Variants in PRDM2 observed in about 807,000 individuals in gnomAD.
The protein encoded by PRDM2 is PR domain zinc finger protein 2.
A neutral mutation model predicts 130.0 loss-of-function variants in PRDM2; 30 were observed. That is an observed-to-expected ratio of 0.23 (90% CI 0.17 to 0.31). The LOEUF (loss-of-function observed/expected upper bound fraction) is 0.31, where lower values mean the gene tolerates loss of function less well. Among genes scored for constraint, PRDM2 ranks in the 10% least tolerant of loss-of-function variants. The pLI, the probability that PRDM2 is intolerant of heterozygous loss-of-function variation, is 1.00. For synonymous variants in PRDM2, 871 were observed against 782.4 expected (o/e 1.11, Z -1.89); for missense variants, 2,011 against 2,108.4 (o/e 0.95, Z 0.90).
At chr1:13,731,743 CAAA>C (rs1273383339) in intron 3 of PRDM2, among the ~76,000 whole-genome samples, 1 of 152,100 alleles carries the variant, frequency 6.6e-6, no homozygotes, top group African/African-American at 2.4e-5. Flanking sequence ...AAACTTTAGT[CAAA>C]ATACAGTCTT....
chr1:13,729,044 T>C (rs1341563806), intron 2 of PRDM2, among the ~76,000 whole-genome samples: 2 of 152,196 alleles, frequency 1.3e-5, no homozygotes, highest in African/African-American at 2.4e-5. Context: ...CAGACAGATA[T>C]TCAGATCCAG....
chr1:13,743,316 C>T (rs1425821660), intron 5 of PRDM2, among the ~76,000 whole-genome samples: 3 of 139,456 alleles, frequency 2.2e-5, no homozygotes, highest in African/African-American at 8.0e-5. Context: ...AGGAGAAGGG[C>T]GTGAACCTGG....
chr1:13,756,324 G>A (rs778589230), intron 6 of PRDM2, among the ~76,000 whole-genome samples: 1 of 152,000 alleles, frequency 6.6e-6, no homozygotes, highest in African/African-American at 2.4e-5. Context: ...CATTGTGGAG[G>A]TTAAAAATAG....
chr1:13,745,917 G>A (rs1291587134), intron 5 of PRDM2, among the ~76,000 whole-genome samples: 2 of 152,128 alleles, frequency 1.3e-5, no homozygotes, highest in Non-Finnish European at 2.9e-5. Context: ...GCTGGGGACT[G>A]GATCGTAGGT....
chr1:13,764,834 A>G (rs1376749568), intron 6 of PRDM2, among the ~76,000 whole-genome samples: 1 of 152,224 alleles, frequency 6.6e-6, no homozygotes, highest in Admixed American at 6.5e-5. Context: ...AAAACCAGAG[A>G]GGTTTTATTT....
chr1:13,744,120 C>G (rs914205062), intron 5 of PRDM2, among the ~76,000 whole-genome samples: 1 of 152,208 alleles, frequency 6.6e-6, no homozygotes, highest in African/African-American at 2.4e-5. Context: ...TATTAGGACA[C>G]TGCAATTCCT....
In PRDM2 at chr1:13,700,885, CGT is replaced by C. The variant is rs560287443; in HGVS notation, c.-66+596_-66+597del. On this transcript the variant is annotated intron_variant, in intron 1 of 9. Transcript: ENST00000311066. ...GTATGTGTGTGTGTGCGCACGCGCG[CGT>C]GTGTGTGTGTTACAGACGTGCAACT... Among the ~76,000 whole-genome samples, 92 of 152,124 alleles carry C rather than the reference CGT, an allele frequency of 6.0e-4. 1 individual carries two copies. The highest frequency in any genetic ancestry group is 1.7e-3 in the African/African-American group (69 of 41,510).
intron 1 of PRDM2, among the ~76,000 whole-genome samples, chr1:13,708,198 C>G (rs980635189): frequency 6.6e-6 from 1 of 150,742 alleles, no homozygotes; most frequent in Non-Finnish European, 1.5e-5. Context: ...TTTTTTCTTC[C>G]CAAGTAAAGG....
intron 1 of PRDM2, among the ~76,000 whole-genome samples, chr1:13,714,948 A>G (rs1352448962): frequency 6.6e-6 from 1 of 152,178 alleles, no homozygotes; most frequent in Non-Finnish European, 1.5e-5. Flanking sequence ...TTGTCTTTTT[A>G]TTTTACTATA....
At chr1:13,816,152 C>G (rs1645252858) in intron 8 of PRDM2, among the ~76,000 whole-genome samples, 1 of 152,206 alleles carries the variant, frequency 6.6e-6, no homozygotes, top group Non-Finnish European at 1.5e-5. Flanking sequence ...CATGGTGTCT[C>G]AGAACCAGCC....
intron 6 of PRDM2, among the ~76,000 whole-genome samples, chr1:13,754,899 G>A (rs1022433017): frequency 2.0e-5 from 3 of 152,162 alleles, no homozygotes; most frequent in Non-Finnish European, 2.9e-5. Flanking sequence ...TGTGGCATGA[G>A]ACACAAATGA....
intron 6 of PRDM2, among the ~76,000 whole-genome samples, chr1:13,762,803 G>A (rs1644133052): frequency 6.6e-6 from 1 of 152,158 alleles, no homozygotes; most frequent in Non-Finnish European, 1.5e-5. Flanking sequence ...TCCCTTGGTG[G>A]ATGGAACTTT....
At chr1:13,755,380 G>C (rs989555851) in intron 6 of PRDM2, among the ~76,000 whole-genome samples, 2 of 152,144 alleles carry the variant, frequency 1.3e-5, no homozygotes, top group African/African-American at 2.4e-5. Flanking sequence ...TGGGAACCAT[G>C]CTGTGCCCTA....
chr1:13,723,946 T>C (rs1395491098), intron 2 of PRDM2, among the ~76,000 whole-genome samples: 2 of 151,976 alleles, frequency 1.3e-5, no homozygotes, highest in African/African-American at 4.8e-5. Flanking sequence ...TCTGGAGAGG[T>C]GATTAACCAA....
At chr1:13,704,299 ATTAGAG>A (rs1226692579) in intron 1 of PRDM2, among the ~76,000 whole-genome samples, 2 of 150,964 alleles carry the variant, frequency 1.3e-5, no homozygotes, top group Non-Finnish European at 2.9e-5. Flanking sequence ...TGAGGCATGA[ATTAGAG>A]TTATTGTATG....
chr1:13,787,939 TC>T, intron 8 of PRDM2: 4 of 985,396 alleles, frequency 4.1e-6, no homozygotes, highest in Non-Finnish European at 4.8e-6. Flanking sequence ...GTTTTTCCCC[TC>T]CCAGCATTGA....
intron 5 of PRDM2, among the ~76,000 whole-genome samples, chr1:13,745,712 C>T (rs756354828): frequency 1.1e-4 from 16 of 152,252 alleles, no homozygotes; most frequent in Non-Finnish European, 1.9e-4. Context: ...CGTGAGCCAC[C>T]GTGCCCAGCC....
At chr1:13,778,372 T>C in intron 7 of PRDM2, 46 bp from the exon 8 acceptor site, 1 of 1,522,190 alleles carries the variant, frequency 6.6e-7, no homozygotes, top group South Asian at 1.3e-5. Flanking sequence ...AAGTAGCTGG[T>C]TTCCCATGCT....
intron 1 of PRDM2, among the ~76,000 whole-genome samples, chr1:13,702,486 A>G (rs1413035075): frequency 1.3e-5 from 2 of 152,214 alleles, no homozygotes; most frequent in African/African-American, 4.8e-5. Context: ...GCTTTTTAGC[A>G]TCTAAATAAG....
Sources: allele counts gnomAD v4.1 joint callset (sites outside exome capture counted in the v4.1 genomes callset), GRCh38; gene constraint gnomAD v4.1.1; transcripts MANE v1.5; gene names NCBI Gene and HGNC (gene_info 2026-07-23, HGNC 2026-07-21).